RGS8: variants seen among roughly 807,000 people sequenced by gnomAD.
RGS8 encodes regulator of G-protein signaling 8.
A neutral mutation model predicts 21.7 loss-of-function variants in RGS8; 8 were observed. The observed-to-expected ratio is 0.37, with a 90% CI of 0.22 to 0.66. RGS8 has a LOEUF of 0.66. Among genes scored for constraint, RGS8 ranks in the 30% least tolerant of loss-of-function variants. The pLI is 0.59. For missense variants in RGS8, 157 were observed against 217.9 expected (o/e 0.72, Z 1.76); for synonymous variants, 80 against 83.6 (o/e 0.96, Z 0.24).
At chr1:182,670,013 C>A (rs1664078296) in intron 2 of RGS8, among the ~76,000 whole-genome samples, 1 of 152,236 alleles carries the variant, frequency 6.6e-6, no homozygotes, top group Non-Finnish European at 1.5e-5. Flanking sequence ...GGAACGTGTG[C>A]CTCAGGGGAG....
the RGS8 span, among the ~76,000 whole-genome samples, chr1:182,729,331 C>G: frequency 3.9e-5 from 6 of 152,216 alleles, no homozygotes; most frequent in Non-Finnish European, 7.3e-5. Flanking sequence ...CAGAGGGCAG[C>G]TCTTCTGCCC....
chr1:182,732,640 A>G, the RGS8 span, among the ~76,000 whole-genome samples: 1 of 152,240 alleles, frequency 6.6e-6, no homozygotes, highest in Non-Finnish European at 1.5e-5. Context: ...CTTAAGTGTA[A>G]TAGTGACCAT....
At chr1:182,708,889 A>G in the RGS8 span, among the ~76,000 whole-genome samples, 38 of 152,314 alleles carry the variant, frequency 2.5e-4, no homozygotes, top group South Asian at 1.2e-3. Flanking sequence ...TCGCTGATGC[A>G]CTGCTCCCCA....
chr1:182,733,016 T>C, the RGS8 span, among the ~76,000 whole-genome samples: 1 of 152,226 alleles, frequency 6.6e-6, no homozygotes, highest in Non-Finnish European at 1.5e-5. Context: ...TTGTTCCTAA[T>C]GTAAGGAACA....
At chr1:182,741,785 G>A in the RGS8 span, among the ~76,000 whole-genome samples, 1 of 108,048 alleles carries the variant, frequency 9.3e-6, no homozygotes, top group African/African-American at 3.1e-5. Context: ...GGACGGGGCG[G>A]CTGGCCGCGC....
At chr1:182,692,255 G>A in the RGS8 span, among the ~76,000 whole-genome samples, 9 of 151,880 alleles carry the variant, frequency 5.9e-5, no homozygotes, top group Admixed American at 3.9e-4. Flanking sequence ...TGCCCACCTC[G>A]GCCTCCCAAA....
chr1:182,672,710 C>T, upstream of RGS8: 1 of 1,325,198 alleles, frequency 7.5e-7, no homozygotes, highest in Non-Finnish European at 1.1e-6. Context: ...CAACTTCCCC[C>T]TACTTGCATT....
At chr1:182,673,970 T>C (rs975365453), upstream of RGS8, among the ~76,000 whole-genome samples, 1 of 152,178 alleles carries the variant, frequency 6.6e-6, no homozygotes, top group African/African-American at 2.4e-5. Context: ...TCAGAACAAA[T>C]TTACAAAGCC....
the RGS8 span, among the ~76,000 whole-genome samples, chr1:182,728,887 G>T: frequency 6.6e-6 from 1 of 152,160 alleles, no homozygotes; most frequent in East Asian, 1.9e-4. Flanking sequence ...GCTAATGCAT[G>T]CTGGGCTTAA....
the RGS8 span, among the ~76,000 whole-genome samples, chr1:182,730,159 T>A: frequency 1.3e-5 from 2 of 152,304 alleles, no homozygotes; most frequent in Middle Eastern, 6.8e-3. Context: ...ATTTGAGCAG[T>A]CTTCCAATAT....
chr1:182,732,263 T>G, the RGS8 span, among the ~76,000 whole-genome samples: 1 of 92,726 alleles, frequency 1.1e-5, no homozygotes, highest in East Asian at 3.1e-4. Flanking sequence ...TGTCTCGCTC[T>G]CTCTCTCATA....
chr1:182,719,885 T>C, the RGS8 span, among the ~76,000 whole-genome samples: 1 of 152,214 alleles, frequency 6.6e-6, no homozygotes, highest in Admixed American at 6.5e-5. Context: ...TATGAAATTA[T>C]CATTTTTTTC....
chr1:182,667,068 A>T lies in RGS8; in HGVS notation c.27-95T>A. The T allele has an allele frequency of 4.1e-6, 4 of 973,278 alleles. No individual in the cohort carries two copies. In the South Asian group the frequency reaches 5.3e-5, roughly 13 times the overall value. The allele number at this position is 973,278 out of a possible 1,614,324, so 60.3% of individuals were successfully genotyped here. On this transcript the variant is annotated intron_variant, in intron 3 of 6. Transcript: ENST00000483095. ...CCCTGGAGCTGCTGCTACGGGAGCC[A>T]GCACTGCCCCCACCCTTCCCCAGGT...
At chr1:182,717,834 T>C in the RGS8 span, among the ~76,000 whole-genome samples, 1 of 152,244 alleles carries the variant, frequency 6.6e-6, no homozygotes, top group South Asian at 2.1e-4. Flanking sequence ...TTACAGTAGT[T>C]ACTAATTAAA....
chr1:182,702,427 A>G, the RGS8 span, among the ~76,000 whole-genome samples: 4 of 152,214 alleles, frequency 2.6e-5, no homozygotes, highest in South Asian at 2.1e-4. Context: ...ACTATTGGAT[A>G]CTATGCTCAG....
At chr1:182,719,575 C>T in the RGS8 span, among the ~76,000 whole-genome samples, 4 of 150,938 alleles carry the variant, frequency 2.7e-5, no homozygotes, top group East Asian at 1.9e-4. Context: ...CGACTACAGG[C>T]GCATACCACT....
At chr1:182,660,336 A>G (rs550937482) in intron 5 of RGS8, among the ~76,000 whole-genome samples, 11 of 152,266 alleles carry the variant, frequency 7.2e-5, no homozygotes, top group African/African-American at 2.4e-4. Flanking sequence ...GTTTTCATTC[A>G]TACCTTTCTC....
the RGS8 span, among the ~76,000 whole-genome samples, chr1:182,747,736 G>T: frequency 2.0e-5 from 3 of 151,996 alleles, no homozygotes; most frequent in African/African-American, 7.3e-5. Flanking sequence ...TTGGCCAGGC[G>T]CATTGGCTCA....
chr1:182,747,481 G>C, the RGS8 span, among the ~76,000 whole-genome samples: 1 of 152,182 alleles, frequency 6.6e-6, no homozygotes. Context: ...TTCTGTCAGA[G>C]ACACTATCTT....
Sources: allele counts gnomAD v4.1 joint callset (sites outside exome capture counted in the v4.1 genomes callset), GRCh38; gene constraint gnomAD v4.1.1; transcripts MANE v1.5; gene names NCBI Gene and HGNC (gene_info 2026-07-23, HGNC 2026-07-21).